BCAR3: variants seen among roughly 807,000 people sequenced by gnomAD.
BCAR3 encodes the protein BCAR3 adaptor protein, NSP family member, also known as breast cancer anti-estrogen resistance protein 3.
BCAR3 carries 37 observed loss-of-function variants against 80.1 expected under a neutral mutation model. That is an observed-to-expected ratio of 0.46 (90% confidence interval 0.36 to 0.61). The LOEUF (loss-of-function observed/expected upper bound fraction) is 0.61. Ranked by LOEUF, BCAR3 falls within the 20% of genes least tolerant of loss-of-function variation. The pLI is 0.00. For synonymous variants in BCAR3, 389 were observed against 418.9 expected (o/e 0.93, Z 0.87); for missense variants, 978 against 1,068.2 (o/e 0.92, Z 1.18).
chr1:93,762,588 C>T lies in BCAR3; in HGVS notation c.-62-56446G>A, dbSNP rs372338357. Among the ~76,000 whole-genome samples, 56 of 152,310 alleles carry T rather than the reference C, an allele frequency of 3.7e-4. 3 individuals carry two copies. Among genetic ancestry groups the T allele is most frequent in the Admixed American group, 1.3e-3 (20 of 15,300 alleles). On this transcript the variant is annotated intron_variant, in intron 2 of 13. Coordinates refer to the BCAR3 transcript ENST00000370244. ...GGCCACAGAGGGACCTGACGTGCTA[C>T]GGACTCATGCTTCTCTGCTGAAATG... is the stretch of plus-strand genomic sequence containing the variant.
intron 2 of BCAR3, among the ~76,000 whole-genome samples, chr1:93,732,833 G>A (rs868037526): frequency 3.7e-4 from 56 of 152,230 alleles, no homozygotes; most frequent in African/African-American, 1.3e-3. Flanking sequence ...ACTTCTCAGG[G>A]CAGCAATTTC....
intron 2 of BCAR3, among the ~76,000 whole-genome samples, chr1:93,756,007 G>C (rs1651736298): frequency 6.6e-6 from 1 of 152,200 alleles, no homozygotes. Flanking sequence ...ACAAGTAAGA[G>C]TGGGGAGAAT....
At chr1:93,693,894 C>T (rs1286949266) in intron 3 of BCAR3, among the ~76,000 whole-genome samples, 2 of 152,210 alleles carry the variant, frequency 1.3e-5, no homozygotes, top group Admixed American at 1.3e-4. Context: ...TGGTCTCCAC[C>T]ACCAAGGCTC....
chr1:93,834,003 T>C (rs1432666271), intron 2 of BCAR3, among the ~76,000 whole-genome samples: 1 of 152,152 alleles, frequency 6.6e-6, no homozygotes, highest in Non-Finnish European at 1.5e-5. Flanking sequence ...ATAAAGCTAT[T>C]AATTTGGGGA....
intron 2 of BCAR3, among the ~76,000 whole-genome samples, chr1:93,657,188 A>G (rs1406907992): frequency 6.6e-6 from 1 of 152,204 alleles, no homozygotes; most frequent in Admixed American, 6.5e-5. Context: ...CTTAGGAGAA[A>G]AATTATTGCC....
chr1:93,755,701 T>A (rs1441708515), intron 2 of BCAR3, among the ~76,000 whole-genome samples: 1 of 152,054 alleles, frequency 6.6e-6, no homozygotes, highest in Non-Finnish European at 1.5e-5. Flanking sequence ...TCCAAATGTA[T>A]CCCCATCATT....
At chr1:93,660,805 C>T (rs1415172193) in intron 2 of BCAR3, among the ~76,000 whole-genome samples, 1 of 152,274 alleles carries the variant, frequency 6.6e-6, no homozygotes, top group African/African-American at 2.4e-5. Flanking sequence ...ACCTCTGCCA[C>T]CCAGGTTCAA....
chr1:93,789,792 C>T (rs960625), intron 2 of BCAR3, among the ~76,000 whole-genome samples: 21,584 of 152,170 alleles, frequency 0.14, 2,506 homozygotes, highest in African/African-American at 0.31. Context: ...AATGTATCCT[C>T]ATTAGCATAG....
intron 2 of BCAR3, among the ~76,000 whole-genome samples, chr1:93,779,379 A>C (rs1230730457): frequency 1.3e-5 from 2 of 152,106 alleles, no homozygotes; most frequent in Non-Finnish European, 2.9e-5. Flanking sequence ...ACAAAAGGAA[A>C]CTCCTAACCT....
intron 2 of BCAR3, among the ~76,000 whole-genome samples, chr1:93,798,097 C>T (rs967850575): frequency 2.0e-5 from 3 of 152,100 alleles, no homozygotes; most frequent in Admixed American, 2.0e-4. Context: ...GTGTTTTCCC[C>T]AGGCAAATAT....
intron 2 of BCAR3, among the ~76,000 whole-genome samples, chr1:93,811,601 C>T (rs1036561304): frequency 6.6e-5 from 10 of 152,152 alleles, no homozygotes; most frequent in Non-Finnish European, 1.2e-4. Context: ...CCAACCTATC[C>T]GCCATTTTCC....
chr1:93,606,191 T>C (rs1386219987), intron 3 of BCAR3, among the ~76,000 whole-genome samples: 2 of 152,118 alleles, frequency 1.3e-5, no homozygotes, highest in Non-Finnish European at 2.9e-5. Context: ...TACCCACATA[T>C]CTCATTTAAC....
chr1:93,567,542 G>T, intron 10 of BCAR3, 51 bp from the exon 11 acceptor site: 1 of 1,588,290 alleles, frequency 6.3e-7, no homozygotes, highest in Non-Finnish European at 8.6e-7. Context: ...CCAAAGTTAA[G>T]CACAGAATGA....
chr1:93,612,445 C>T (rs749744044), intron 3 of BCAR3, among the ~76,000 whole-genome samples: 7 of 152,062 alleles, frequency 4.6e-5, no homozygotes, highest in African/African-American at 1.2e-4. Context: ...GCCTTGGGGC[C>T]GTAACTGCAG....
intron 2 of BCAR3, among the ~76,000 whole-genome samples, chr1:93,788,703 G>A (rs566484939): frequency 5.3e-5 from 8 of 152,200 alleles, no homozygotes; most frequent in Middle Eastern, 3.4e-3. Flanking sequence ...TGACTGTGGG[G>A]GCTGGAGCCT....
chr1:93,706,074 G>T (rs1389898424), intron 3 of BCAR3: 6 of 152,422 alleles, frequency 3.9e-5, no homozygotes, highest in Admixed American at 6.5e-5. Context: ...AGCAGCAGGG[G>T]GCCAGGCCAC....
chr1:93,703,884 G>A (rs1649737249), intron 3 of BCAR3, among the ~76,000 whole-genome samples: 1 of 152,222 alleles, frequency 6.6e-6, no homozygotes, highest in Middle Eastern at 3.2e-3. Flanking sequence ...AGTGACGAGT[G>A]CACGAGTCAG....
Position 93,582,296 on chromosome 1 carries a change from C to T in BCAR3, c.1686+5G>A, listed in dbSNP as rs2101829540. On this transcript the variant is annotated splice_donor_5th_base_variant and intron_variant, in intron 7 of 11. Transcript: ENST00000260502. ...CAGAGGAGCACCAGGACCCCCAGCG[C>T]TTACCCTGCAGTCCATGCTCAGTAC... 6.2e-7 allele frequency: 1 copy of T among 1,610,244 alleles called. No homozygotes were observed. Among genetic ancestry groups the T allele is most frequent in the East Asian group, 2.2e-5 (1 of 44,822 alleles).
intron 2 of BCAR3, among the ~76,000 whole-genome samples, chr1:93,669,525 A>G (rs988398792): frequency 1.3e-5 from 2 of 152,194 alleles, no homozygotes; most frequent in East Asian, 1.9e-4. Context: ...CATGCAAACT[A>G]ATGAAACACC....
Sources: allele counts gnomAD v4.1 joint callset (sites outside exome capture counted in the v4.1 genomes callset), GRCh38; gene constraint gnomAD v4.1.1; transcripts MANE v1.5; gene names NCBI Gene and HGNC (gene_info 2026-07-23, HGNC 2026-07-21).